Variants in PRKCE observed in about 807,000 individuals in gnomAD.
PRKCE encodes the protein protein kinase C epsilon type.
In PRKCE, 16 loss-of-function variants were observed where a neutral mutation model predicts 85.4. That is an observed-to-expected ratio of 0.19 (90% CI 0.13 to 0.28). The LOEUF is 0.28. Among genes scored for constraint, PRKCE ranks in the 10% least tolerant of loss-of-function variants. The probability of loss-of-function intolerance (pLI) is 1.00; values close to 1 mark genes in which losing one functional copy is unlikely to be tolerated. For missense variants in PRKCE, 573 were observed against 975.2 expected (o/e 0.59, Z 5.49); for synonymous variants, 388 against 371.5 (o/e 1.04, Z -0.51).
chr2:45,690,504 GT>G (rs1035798416), intron 1 of PRKCE, among the ~76,000 whole-genome samples: 1 of 152,194 alleles, frequency 6.6e-6, no homozygotes, highest in African/African-American at 2.4e-5. Context: ...TTTTACCCGT[GT>G]GAGAATTGTT....
At chr2:45,837,826 C>A (rs766816160) in intron 1 of PRKCE, among the ~76,000 whole-genome samples, 1 of 152,162 alleles carries the variant, frequency 6.6e-6, no homozygotes, top group Non-Finnish European at 1.5e-5. Flanking sequence ...GCCATGACGG[C>A]ACCACTTCAC....
chr2:45,718,225 G>C (rs965902046), intron 1 of PRKCE, among the ~76,000 whole-genome samples: 3 of 151,946 alleles, frequency 2.0e-5, no homozygotes, highest in African/African-American at 7.3e-5. Context: ...AATGTCTTTA[G>C]ACATTACCAA....
chr2:45,745,675 C>A (rs1417679588), intron 1 of PRKCE, among the ~76,000 whole-genome samples: 3 of 152,064 alleles, frequency 2.0e-5, no homozygotes, highest in African/African-American at 7.2e-5. Flanking sequence ...TAATGAGATG[C>A]CTGGGAGGTG....
At chr2:45,671,934 G>A (rs1218539638) in intron 1 of PRKCE, among the ~76,000 whole-genome samples, 2 of 151,980 alleles carry the variant, frequency 1.3e-5, no homozygotes, top group African/African-American at 4.8e-5. Context: ...ATGACGGCAT[G>A]CACCTGTGGC....
At chr2:45,959,630 G>A (rs1701244682) in intron 2 of PRKCE, among the ~76,000 whole-genome samples, 1 of 152,158 alleles carries the variant, frequency 6.6e-6, no homozygotes, top group African/African-American at 2.4e-5. Context: ...ATCAGATTTA[G>A]GGAACACTTT....
chr2:45,795,530 G>A (rs747842176), intron 1 of PRKCE, among the ~76,000 whole-genome samples: 1 of 152,008 alleles, frequency 6.6e-6, no homozygotes, highest in Non-Finnish European at 1.5e-5. Flanking sequence ...GGCTGGTCTC[G>A]AACTCCTGAC....
intron 10 of PRKCE, among the ~76,000 whole-genome samples, chr2:46,045,700 G>A (rs1051352103): frequency 6.6e-6 from 1 of 152,102 alleles, no homozygotes; most frequent in Non-Finnish European, 1.5e-5. Context: ...CCAACATGGT[G>A]AAGCCCTGTC....
At chr2:45,738,891 A>G (rs1190117732) in intron 1 of PRKCE, among the ~76,000 whole-genome samples, 1 of 152,244 alleles carries the variant, frequency 6.6e-6, no homozygotes, top group Non-Finnish European at 1.5e-5. Context: ...TTATTTCGTG[A>G]TCTTCACCAC....
intron 1 of PRKCE, among the ~76,000 whole-genome samples, chr2:45,692,723 ACACACACCCATGCACACACACCCC>A (rs2104090255): frequency 6.6e-6 from 1 of 151,598 alleles, no homozygotes; most frequent in South Asian, 2.1e-4. Flanking sequence ...ACACACACAC[ACACACACCCATGCACACACACCCC>A]CACACACACC....
At chr2:45,953,872 G>T (rs191008740) in intron 2 of PRKCE, among the ~76,000 whole-genome samples, 39 of 152,256 alleles carry the variant, frequency 2.6e-4, no homozygotes, top group African/African-American at 7.5e-4. Context: ...AATTATTTTC[G>T]TGTACCTCCT....
intron 2 of PRKCE, among the ~76,000 whole-genome samples, chr2:45,969,525 C>T (rs535517679): frequency 7.2e-5 from 11 of 152,246 alleles, no homozygotes; most frequent in East Asian, 1.9e-4. Flanking sequence ...TGGTGTGCAG[C>T]GGGCCCAGCG....
At chr2:45,658,382 C>G (rs1223726966) in intron 1 of PRKCE, among the ~76,000 whole-genome samples, 1 of 152,212 alleles carries the variant, frequency 6.6e-6, no homozygotes, top group Non-Finnish European at 1.5e-5. Flanking sequence ...ACTTCATGGA[C>G]AGTCAAGCGT....
chr2:45,661,613 C>A (rs930459902), intron 1 of PRKCE, among the ~76,000 whole-genome samples: 1 of 144,422 alleles, frequency 6.9e-6, no homozygotes, highest in African/African-American at 2.5e-5. Flanking sequence ...ACTGCAAGCT[C>A]CGCCTCCCGG....
intron 10 of PRKCE, among the ~76,000 whole-genome samples, chr2:46,079,909 A>C (rs980247496): frequency 6.6e-6 from 1 of 152,342 alleles, no homozygotes; most frequent in African/African-American, 2.4e-5. Flanking sequence ...ATTATGAACT[A>C]TTCTTACCCT....
chr2:46,149,523 A>G (rs1228298903), intron 12 of PRKCE, among the ~76,000 whole-genome samples: 1 of 152,190 alleles, frequency 6.6e-6, no homozygotes, highest in African/African-American at 2.4e-5. Flanking sequence ...TCTTCCTTGT[A>G]GAGTGGACAG....
intron 1 of PRKCE, among the ~76,000 whole-genome samples, chr2:45,710,934 C>G (rs1318026481): frequency 6.6e-6 from 1 of 152,200 alleles, no homozygotes; most frequent in Non-Finnish European, 1.5e-5. Context: ...CCTTCTCTCG[C>G]TTAACATGGG....
intron 2 of PRKCE, among the ~76,000 whole-genome samples, chr2:45,892,302 A>G (rs116407565): frequency 0.022 from 3,399 of 152,298 alleles, 137 homozygotes; most frequent in African/African-American, 0.077. Context: ...ACTTAGATGG[A>G]TGAAGCCACT....
chr2:45,698,351 C>T (rs997463546), intron 1 of PRKCE, among the ~76,000 whole-genome samples: 5 of 151,966 alleles, frequency 3.3e-5, no homozygotes, highest in Non-Finnish European at 7.4e-5. Flanking sequence ...GGATATAAAA[C>T]AAAAATTTCC....
chr2:45,772,820 C>T (rs575361598), intron 1 of PRKCE, among the ~76,000 whole-genome samples: 79 of 152,092 alleles, frequency 5.2e-4, no homozygotes, highest in Admixed American at 2.4e-3. Context: ...GACAAGGTGT[C>T]CTCCTCCCAT....
Sources: allele counts gnomAD v4.1 joint callset (sites outside exome capture counted in the v4.1 genomes callset), GRCh38; gene constraint gnomAD v4.1.1; transcripts MANE v1.5; gene names NCBI Gene and HGNC (gene_info 2026-07-23, HGNC 2026-07-21).